Variants in CHLSN observed in about 807,000 individuals in gnomAD.
The protein encoded by CHLSN is cholesin, also known as protein cholesin.
At chr7:1,076,372 C>T in the CHLSN span, among the ~76,000 whole-genome samples, 6 of 152,198 alleles carry the variant, frequency 3.9e-5, no homozygotes, top group Admixed American at 3.9e-4. Flanking sequence ...GCAAGGAGCA[C>T]CCTTTCCTGA....
At chr7:1,026,673 T>G in the CHLSN span, 1 of 152,176 alleles carries the variant, frequency 6.6e-6, no homozygotes, top group African/African-American at 2.4e-5. Flanking sequence ...TATTAACGTT[T>G]AAAAAACGTA....
chr7:1,058,610 G>A, the CHLSN span: 1 of 637,314 alleles, frequency 1.6e-6, no homozygotes, highest in East Asian at 2.6e-5. Context: ...AAGGAGACGA[G>A]CTGCTGGAAG....
At chr7:1,015,869 C>T in the CHLSN span, among the ~76,000 whole-genome samples, 1 of 152,212 alleles carries the variant, frequency 6.6e-6, no homozygotes. Context: ...ACTCTCCTTC[C>T]TCCAGGGGCC....
At chr7:1,028,331 C>G in the CHLSN span, 13 of 1,024,494 alleles carry the variant, frequency 1.3e-5, no homozygotes, top group South Asian at 3.1e-5. Flanking sequence ...GCGCACCGCC[C>G]GGCCCGCGCC....
chr7:1,077,651 G>C, the CHLSN span: 6 of 152,302 alleles, frequency 3.9e-5, no homozygotes, highest in Admixed American at 1.3e-4. Flanking sequence ...CCTCCTACCA[G>C]GGCTAGTTTG....
At chr7:1,015,926 G>A in the CHLSN span, among the ~76,000 whole-genome samples, 3 of 152,200 alleles carry the variant, frequency 2.0e-5, no homozygotes, top group South Asian at 2.1e-4. Context: ...CTGACCAGAC[G>A]GAAATACTCC....
chr7:1,109,005 C>T, the CHLSN span, among the ~76,000 whole-genome samples: 1 of 151,512 alleles, frequency 6.6e-6, no homozygotes, highest in Non-Finnish European at 1.5e-5. Context: ...AAGCGATTCT[C>T]CTGCCTCAGC....
the CHLSN span, among the ~76,000 whole-genome samples, chr7:1,013,466 A>C: frequency 6.6e-6 from 1 of 152,310 alleles, no homozygotes; most frequent in African/African-American, 2.4e-5. Context: ...CGCAGCAGCC[A>C]GGGGTGACTC....
the CHLSN span, among the ~76,000 whole-genome samples, chr7:1,098,763 T>C: frequency 6.6e-6 from 1 of 152,028 alleles, no homozygotes; most frequent in Non-Finnish European, 1.5e-5. Flanking sequence ...TCCGCCAATG[T>C]GAAACGTGCA....
At chr7:1,102,362 C>G in the CHLSN span, among the ~76,000 whole-genome samples, 2 of 152,160 alleles carry the variant, frequency 1.3e-5, no homozygotes, top group Non-Finnish European at 2.9e-5. Context: ...GTGTATCTTA[C>G]AAGAAGAAGA....
At chr7:1,009,494 A>G in the CHLSN span, among the ~76,000 whole-genome samples, 1 of 152,160 alleles carries the variant, frequency 6.6e-6, no homozygotes, top group Admixed American at 6.5e-5. Context: ...CGCCGCAGGC[A>G]GCCAGGGAGA....
the CHLSN span, among the ~76,000 whole-genome samples, chr7:1,111,027 G>A: frequency 1.3e-5 from 2 of 152,168 alleles, no homozygotes; most frequent in African/African-American, 4.8e-5. Context: ...AGTGAGCCGG[G>A]ATCGCACCAG....
chr7:1,030,311 C>T, the CHLSN span, among the ~76,000 whole-genome samples: 8 of 152,342 alleles, frequency 5.3e-5, no homozygotes, highest in East Asian at 1.5e-3. Context: ...CGCCTCCACA[C>T]CTGAGCCCGG....
the CHLSN span, among the ~76,000 whole-genome samples, chr7:1,108,792 C>T: frequency 6.6e-6 from 1 of 151,938 alleles, no homozygotes; most frequent in Admixed American, 6.5e-5. Flanking sequence ...GGGGGCCATC[C>T]AGTGTGCACC....
At chr7:1,113,354 A>G in the CHLSN span, among the ~76,000 whole-genome samples, 1 of 152,218 alleles carries the variant, frequency 6.6e-6, no homozygotes, top group Non-Finnish European at 1.5e-5. Context: ...ATGCCCTGAA[A>G]GCCAGGAGTG....
the CHLSN span, among the ~76,000 whole-genome samples, chr7:1,009,022 T>C: frequency 3.6e-5 from 4 of 112,404 alleles, no homozygotes; most frequent in Admixed American, 8.8e-5. Flanking sequence ...CACATACACA[T>C]GCACACACGT....
the CHLSN span, among the ~76,000 whole-genome samples, chr7:1,047,731 G>A: frequency 6.6e-6 from 1 of 152,250 alleles, no homozygotes; most frequent in Admixed American, 6.5e-5. Context: ...TGCAGTGCCT[G>A]GGGCCTCGCA....
the CHLSN span, among the ~76,000 whole-genome samples, chr7:1,027,802 C>CAA: frequency 6.6e-6 from 1 of 152,250 alleles, no homozygotes; most frequent in African/African-American, 2.4e-5. Context: ...CAGGCCCTCT[C>CAA]AAGGGTCACG....
the CHLSN span, among the ~76,000 whole-genome samples, chr7:1,097,882 G>A: frequency 1.8e-4 from 28 of 152,304 alleles, no homozygotes; most frequent in African/African-American, 6.7e-4. The surrounding 1 kb of genome is among the most constrained non-coding windows in gnomAD (Gnocchi z 4.3). Context: ...AAGGGAGGAC[G>A]GGGAACCAGG....
Sources: gnomAD v4.1 joint callset for allele counts (sites outside exome capture counted in the v4.1 genomes callset) on GRCh38, gnomAD v4.1.1 for gene constraint, Gnocchi (gnomAD v3.1) non-coding constraint, MANE v1.5 for transcripts, NCBI Gene and HGNC (gene_info 2026-07-23, HGNC 2026-07-21) for gene names.